PDLIM5: variants seen among roughly 807,000 people sequenced by gnomAD.
PDLIM5 encodes the protein PDZ and LIM domain 5.
PDLIM5 carries 34 observed loss-of-function variants against 64.2 expected under a neutral mutation model. The ratio of observed to expected loss-of-function variants is 0.53; its 90% CI spans 0.40 to 0.71. The LOEUF (loss-of-function observed/expected upper bound fraction) is 0.71, where lower values mean the gene tolerates loss of function less well. PDLIM5 is among the 30% of genes least tolerant of loss of function. The probability of loss-of-function intolerance (pLI) is 0.00; values close to 1 mark genes in which losing one functional copy is unlikely to be tolerated. For missense variants in PDLIM5, 683 were observed against 733.6 expected (o/e 0.93, Z 0.80); for synonymous variants, 253 against 269.1 (o/e 0.94, Z 0.59).
At chr4:94,632,937 A>G (rs1740276184) in intron 8 of PDLIM5, among the ~76,000 whole-genome samples, 1 of 152,204 alleles carries the variant, frequency 6.6e-6, no homozygotes, top group Non-Finnish European at 1.5e-5. Context: ...AGGTTTAGGT[A>G]ATAAACTTGT....
chr4:94,655,627 T>C (rs1742150481), intron 10 of PDLIM5, among the ~76,000 whole-genome samples: 1 of 152,196 alleles, frequency 6.6e-6, no homozygotes, highest in Non-Finnish European at 1.5e-5. Flanking sequence ...AGAAGTGGAA[T>C]GGTTCAGACT....
chr4:94,663,662 T>C (rs1477056860), intron 12 of PDLIM5, among the ~76,000 whole-genome samples: 1 of 152,184 alleles, frequency 6.6e-6, no homozygotes, highest in Non-Finnish European at 1.5e-5. Flanking sequence ...AGATAAAATA[T>C]ATTTAACGAG....
chr4:94,498,666 A>G (rs572259665), intron 2 of PDLIM5, among the ~76,000 whole-genome samples: 16 of 152,292 alleles, frequency 1.1e-4, no homozygotes, highest in African/African-American at 3.6e-4. Flanking sequence ...ATGGATGTGT[A>G]CAGAATGAAT....
chr4:94,527,996 A>G (rs1730526877), intron 3 of PDLIM5, among the ~76,000 whole-genome samples: 1 of 152,200 alleles, frequency 6.6e-6, no homozygotes, highest in Non-Finnish European at 1.5e-5. Flanking sequence ...AGCACGTGCT[A>G]TGGGATTCTA....
intron 2 of PDLIM5, among the ~76,000 whole-genome samples, chr4:94,466,432 G>A (rs1017149963): frequency 6.6e-6 from 1 of 152,058 alleles, no homozygotes; most frequent in Non-Finnish European, 1.5e-5. Context: ...CTTTGACACA[G>A]ACTTTGAATT....
intron 5 of PDLIM5, among the ~76,000 whole-genome samples, chr4:94,580,263 G>A (rs543602606): frequency 3.1e-3 from 467 of 152,196 alleles, no homozygotes; most frequent in Non-Finnish European, 5.0e-3. Flanking sequence ...TATTCTGAAC[G>A]TGTACTAAAA....
chr4:94,548,819 T>C (rs528255213), intron 3 of PDLIM5, among the ~76,000 whole-genome samples: 1 of 152,274 alleles, frequency 6.6e-6, no homozygotes, highest in African/African-American at 2.4e-5. Flanking sequence ...CCAGTGGTGA[T>C]TTGATGTCCC....
chr4:94,464,137 A>G (rs1724138237), intron 2 of PDLIM5, among the ~76,000 whole-genome samples: 1 of 152,170 alleles, frequency 6.6e-6, no homozygotes, highest in African/African-American at 2.4e-5. Flanking sequence ...AAATATGATG[A>G]GAAGAGTTTT....
At chr4:94,508,609 G>A (rs1560664830) in intron 2 of PDLIM5, among the ~76,000 whole-genome samples, 1 of 152,206 alleles carries the variant, frequency 6.6e-6, no homozygotes, top group Non-Finnish European at 1.5e-5. Context: ...GAGGAACCAG[G>A]AGTTGGCAAG....
chr4:94,503,153 CTG>C (rs1040825829), intron 2 of PDLIM5, among the ~76,000 whole-genome samples: 5 of 152,102 alleles, frequency 3.3e-5, no homozygotes, highest in Admixed American at 2.0e-4. Context: ...CCATGTCCCC[CTG>C]TAACTGATAG....
At chr4:94,495,466 A>G (rs1316109151) in intron 2 of PDLIM5, among the ~76,000 whole-genome samples, 1 of 152,074 alleles carries the variant, frequency 6.6e-6, no homozygotes, top group Non-Finnish European at 1.5e-5. Flanking sequence ...CCTTAACAAC[A>G]TCTCCTGTTA....
intron 3 of PDLIM5, among the ~76,000 whole-genome samples, chr4:94,566,404 T>C (rs1734322850): frequency 6.6e-6 from 1 of 152,246 alleles, no homozygotes; most frequent in Non-Finnish European, 1.5e-5. Context: ...TTGAAATTGA[T>C]CCTGTTAGTA....
intron 2 of PDLIM5, among the ~76,000 whole-genome samples, chr4:94,479,854 A>G (rs1459050924): frequency 3.3e-5 from 5 of 152,134 alleles, no homozygotes; most frequent in African/African-American, 1.2e-4. Flanking sequence ...TAATCTTGGC[A>G]GAAGTATACT....
intron 2 of PDLIM5, among the ~76,000 whole-genome samples, chr4:94,495,939 C>A (rs1727350456): frequency 6.6e-6 from 1 of 151,934 alleles, no homozygotes; most frequent in Admixed American, 6.6e-5. Context: ...TTTATATGTC[C>A]TTGGGAGAGG....
intron 8 of PDLIM5, among the ~76,000 whole-genome samples, chr4:94,635,459 A>T (rs1345394294): frequency 6.6e-6 from 1 of 152,132 alleles, no homozygotes; most frequent in Non-Finnish European, 1.5e-5. Flanking sequence ...ATTAGAACTT[A>T]AAAGAAAAAA....
chr4:94,578,872 C>T (rs1735502037), intron 5 of PDLIM5, among the ~76,000 whole-genome samples: 1 of 151,926 alleles, frequency 6.6e-6, no homozygotes, highest in East Asian at 1.9e-4. Context: ...TTTAAGAGTT[C>T]AGAAGGATGT....
At chr4:94,553,511 C>A (rs1732999769) in intron 3 of PDLIM5, among the ~76,000 whole-genome samples, 1 of 152,160 alleles carries the variant, frequency 6.6e-6, no homozygotes, top group Non-Finnish European at 1.5e-5. Context: ...TTTTAAAAAT[C>A]CGTATTCAAC....
chr4:94,539,754 G>C (rs1364375954), intron 3 of PDLIM5, among the ~76,000 whole-genome samples: 2 of 152,186 alleles, frequency 1.3e-5, no homozygotes, highest in Non-Finnish European at 2.9e-5. Context: ...TTGATAGTAG[G>C]AGGAAAGAGG....
chr4:94,530,439 A>C lies in PDLIM5; in HGVS notation c.248+6564A>C, dbSNP rs138835697. Among the ~76,000 whole-genome samples the C allele has an allele frequency of 2.9e-3, 445 of 151,768 alleles. 3 individuals carry two copies. Among genetic ancestry groups the C allele is most frequent in the South Asian group, 0.01 (50 of 4,800 alleles). On this transcript the variant is annotated intron_variant, in intron 3 of 12. Transcript: ENST00000317968. ...ATGGGTATGCAAGCATCATTTATTCATCAGAAAATACAGTACTATATATTT... is the reference window on the plus strand; with the variant it reads ...ATGGGTATGCAAGCATCATTTATTCCTCAGAAAATACAGTACTATATATTT...
Sources: allele counts gnomAD v4.1 joint callset (sites outside exome capture counted in the v4.1 genomes callset), GRCh38; gene constraint gnomAD v4.1.1; transcripts MANE v1.5; gene names NCBI Gene and HGNC (gene_info 2026-07-23, HGNC 2026-07-21).